RORA: variants seen among roughly 807,000 people sequenced by gnomAD.
The protein encoded by RORA is RAR related orphan receptor A.
Under a neutral mutation model 69.5 loss-of-function variants are expected in RORA, and 7 were observed. The ratio of observed to expected loss-of-function variants is 0.10; its 90% CI spans 0.06 to 0.19. RORA has a LOEUF of 0.19. Among genes scored for constraint, RORA ranks in the 10% least tolerant of loss-of-function variants. RORA has a pLI of 1.00. For synonymous variants in RORA, 261 were observed against 240.8 expected (o/e 1.08, Z -0.78); for missense variants, 457 against 663.0 (o/e 0.69, Z 3.41).
At chr15:60,561,082 G>GTTTT (rs571970599) in intron 2 of RORA, among the ~76,000 whole-genome samples, 9 of 122,032 alleles carry the variant, frequency 7.4e-5, no homozygotes, top group East Asian at 2.4e-4. Flanking sequence ...TTTTGTTTTT[G>GTTTT]TTTTTTTTTT....
At chr15:60,739,371 G>A (rs536367571) in intron 1 of RORA, among the ~76,000 whole-genome samples, 1 of 152,112 alleles carries the variant, frequency 6.6e-6, no homozygotes, top group Non-Finnish European at 1.5e-5. Context: ...TCAGGCTTGA[G>A]ACCAGCCTAG....
chr15:60,541,032 G>C (rs2066855549), intron 2 of RORA, among the ~76,000 whole-genome samples: 1 of 152,164 alleles, frequency 6.6e-6, no homozygotes, highest in Admixed American at 6.5e-5. Flanking sequence ...AGTGTCCTTA[G>C]AATTAATAAG....
chr15:60,784,368 G>T (rs2072306935), intron 1 of RORA, among the ~76,000 whole-genome samples: 1 of 152,186 alleles, frequency 6.6e-6, no homozygotes. Context: ...TTCAATGGGG[G>T]AGATGGAGAT....
intron 1 of RORA, among the ~76,000 whole-genome samples, chr15:61,018,707 C>G (rs1158022815): frequency 6.6e-6 from 1 of 152,010 alleles, no homozygotes. Context: ...GTATATATGA[C>G]TATACTGACC....
At chr15:60,635,602 G>A (rs141196893) in intron 2 of RORA, among the ~76,000 whole-genome samples, 1 of 152,176 alleles carries the variant, frequency 6.6e-6, no homozygotes, top group African/African-American at 2.4e-5. Context: ...CATCAAAATG[G>A]AACTCCAAGA....
intron 1 of RORA, among the ~76,000 whole-genome samples, chr15:60,866,820 T>TTATCTATCTATCTATCTATCTATCTATC (rs535434841): frequency 3.4e-5 from 5 of 146,680 alleles, no homozygotes; most frequent in Admixed American, 6.9e-5. Flanking sequence ...TATCTTATCT[T>TTATCTATCTATCTATCTATCTATCTATC]TATCTATCTA....
intron 1 of RORA, among the ~76,000 whole-genome samples, chr15:61,012,293 T>C (rs1175098620): frequency 6.6e-6 from 1 of 152,212 alleles, no homozygotes; most frequent in Non-Finnish European, 1.5e-5. Context: ...TATCAACGCT[T>C]TCCCAATTTG....
chr15:61,165,077 C>T (rs1236954312), intron 1 of RORA, among the ~76,000 whole-genome samples: 2 of 152,154 alleles, frequency 1.3e-5, no homozygotes, highest in Admixed American at 6.5e-5. Context: ...GTAGGTTCCC[C>T]TAGCAAACCC....
intron 1 of RORA, among the ~76,000 whole-genome samples, chr15:60,708,575 A>G (rs977403405): frequency 1.9e-4 from 29 of 152,170 alleles, no homozygotes; most frequent in African/African-American, 6.5e-4. Flanking sequence ...TCTATTGAAT[A>G]AAGGGCTATG....
intron 1 of RORA, among the ~76,000 whole-genome samples, chr15:60,717,671 T>C (rs956273560): frequency 8.6e-5 from 13 of 152,028 alleles, no homozygotes; most frequent in African/African-American, 2.9e-4. Context: ...TGCCAGACAA[T>C]AAATAAAAAA....
intron 1 of RORA, among the ~76,000 whole-genome samples, chr15:61,076,540 A>T (rs1295989920): frequency 6.6e-6 from 1 of 152,252 alleles, no homozygotes; most frequent in African/African-American, 2.4e-5. Flanking sequence ...ATAGAAAGAT[A>T]AGACTACCAT....
intron 1 of RORA, among the ~76,000 whole-genome samples, chr15:60,865,532 C>A (rs2140429585): frequency 6.6e-6 from 1 of 152,294 alleles, no homozygotes; most frequent in East Asian, 1.9e-4. Flanking sequence ...AACCTCAATG[C>A]CCTGCTGTTA....
intron 1 of RORA, among the ~76,000 whole-genome samples, chr15:60,735,236 T>C (rs2071481840): frequency 6.6e-6 from 1 of 152,240 alleles, no homozygotes; most frequent in South Asian, 2.1e-4. Context: ...GAAAGATTTG[T>C]TGCTTATGAT....
chr15:60,601,436 ATT>A (rs2068806886), intron 2 of RORA, among the ~76,000 whole-genome samples: 1 of 152,182 alleles, frequency 6.6e-6, no homozygotes, highest in South Asian at 2.1e-4. Flanking sequence ...TTTATTTTGT[ATT>A]TCGGAATAAT....
intron 1 of RORA, among the ~76,000 whole-genome samples, chr15:61,084,045 A>G (rs2078586110): frequency 6.6e-6 from 1 of 152,174 alleles, no homozygotes; most frequent in South Asian, 2.1e-4. Context: ...CATGGAGATT[A>G]TTCCCTTACA....
intron 1 of RORA, among the ~76,000 whole-genome samples, chr15:60,843,158 C>T (rs2073221926): frequency 6.6e-6 from 1 of 152,206 alleles, no homozygotes; most frequent in South Asian, 2.1e-4. Context: ...GAAGGAACAA[C>T]CTCGCTGGGC....
rs2065190731 is a variant in RORA at position 60,497,257 on chromosome 15, A to G, written c.*198T>C. On this transcript the variant is annotated 3_prime_UTR_variant, in exon 11 of 11. Coordinates refer to ENST00000335670, the MANE Select transcript of RORA (RefSeq NM_134261.3). ...CATATCTGTAGGCATAATGGAAATCATATGCATGAGAAAAACAAGTTCAAC... is the reference window on the plus strand; with the variant it reads ...CATATCTGTAGGCATAATGGAAATCGTATGCATGAGAAAAACAAGTTCAAC... The G allele has an allele frequency of 1.8e-6, 1 of 544,130 alleles. No individual in the cohort carries two copies. The allele number at this position is 544,130 out of a possible 1,614,324, so 33.7% of individuals were successfully genotyped here. A position where few individuals can be genotyped will look rare whatever the true frequency, so the allele number is the denominator to read the frequency against.
intron 1 of RORA, among the ~76,000 whole-genome samples, chr15:60,995,318 C>A (rs1175979442): frequency 1.3e-5 from 2 of 152,118 alleles, no homozygotes; most frequent in African/African-American, 2.4e-5. Flanking sequence ...TAAATGAGGG[C>A]CTGCCTCAGG....
chr15:60,784,992 G>C (rs2072315822), intron 1 of RORA, among the ~76,000 whole-genome samples: 1 of 152,118 alleles, frequency 6.6e-6, no homozygotes, highest in Non-Finnish European at 1.5e-5. Context: ...CAAAAAGCCA[G>C]ATCCCCCAAC....
Sources: gnomAD v4.1 joint callset for allele counts (sites outside exome capture counted in the v4.1 genomes callset) on GRCh38, gnomAD v4.1.1 for gene constraint, MANE v1.5 for transcripts, NCBI Gene and HGNC (gene_info 2026-07-23, HGNC 2026-07-21) for gene names.